The following ZNF804B variants were observed in gnomAD, a reference collection of about 807,000 sequenced individuals.
The protein encoded by ZNF804B is zinc finger protein 804B.
In ZNF804B, 80 loss-of-function variants were observed where a neutral mutation model predicts 101.4. The observed-to-expected ratio is 0.79, with a 90% CI of 0.66 to 0.95. ZNF804B has a LOEUF of 0.95. ZNF804B is among the 40% of genes least tolerant of loss of function. The pLI is 0.00. For missense variants in ZNF804B, 1,673 were observed against 1,561.9 expected, an observed-to-expected ratio of 1.07 and a Z score of -1.20; for synonymous variants, 622 against 558.8, an observed-to-expected ratio of 1.11 and a Z score of -1.59.
chr7:89,182,864 A>G (rs1788318225), intron 1 of ZNF804B, among the ~76,000 whole-genome samples: 1 of 152,146 alleles, frequency 6.6e-6, no homozygotes, highest in Non-Finnish European at 1.5e-5. Flanking sequence ...TCAAAAACAT[A>G]TATGAGTGCA....
chr7:89,177,787 T>C (rs1054621380), intron 1 of ZNF804B, among the ~76,000 whole-genome samples: 3 of 152,014 alleles, frequency 2.0e-5, no homozygotes, highest in African/African-American at 7.2e-5. Context: ...GGTGCGTTGC[T>C]CACGCCTGTA....
chr7:88,987,705 C>A (rs970018268), intron 1 of ZNF804B, among the ~76,000 whole-genome samples: 1 of 151,870 alleles, frequency 6.6e-6, no homozygotes, highest in East Asian at 1.9e-4. Flanking sequence ...ACAAATAAGC[C>A]TGGGTAATTG....
At chr7:88,873,139 C>G (rs1039742045) in intron 1 of ZNF804B, among the ~76,000 whole-genome samples, 1 of 152,092 alleles carries the variant, frequency 6.6e-6, no homozygotes, top group Non-Finnish European at 1.5e-5. Context: ...CTGTTGTTTC[C>G]TGGCTTTTTA....
At chr7:88,837,432 T>C (rs1791230286) in intron 1 of ZNF804B, among the ~76,000 whole-genome samples, 1 of 152,008 alleles carries the variant, frequency 6.6e-6, no homozygotes, top group South Asian at 2.1e-4. Context: ...ATAAATTTTT[T>C]ATTGTTTAAT....
At chr7:89,283,367 G>A (rs1209991931) in intron 2 of ZNF804B, among the ~76,000 whole-genome samples, 21 of 152,026 alleles carry the variant, frequency 1.4e-4, no homozygotes, top group Admixed American at 1.4e-3. Context: ...CATAATACTT[G>A]GTATCACACG....
At chr7:88,904,092 A>G (rs938169321) in intron 1 of ZNF804B, among the ~76,000 whole-genome samples, 1 of 152,136 alleles carries the variant, frequency 6.6e-6, no homozygotes, top group African/African-American at 2.4e-5. Flanking sequence ...GAGGTCTTAT[A>G]TTTAAATCTT....
At chr7:88,949,189 A>G (rs566250950) in intron 1 of ZNF804B, among the ~76,000 whole-genome samples, 1 of 151,764 alleles carries the variant, frequency 6.6e-6, no homozygotes, top group African/African-American at 2.4e-5. Flanking sequence ...TTCTTTTTCA[A>G]AATTGTTTTG....
At position 89,236,340 on chromosome 7, in the gene ZNF804B, T is replaced by C. The variant is rs1179766685; in HGVS notation, c.249+18045T>C. Among the ~76,000 whole-genome samples, 4 of 152,076 alleles carry C rather than the reference T, an allele frequency of 2.6e-5. No individual in the cohort carries two copies. The East Asian group carries it at 7.7e-4, about 29-fold the overall frequency. ...GCGGTGAGGTGAGAAGAGGAGAGCA[T>C]GTAAGATAAGTATACATGTAAATCT... On this transcript the variant is annotated intron_variant, in intron 2 of 3. Transcript: ENST00000333190.
intron 2 of ZNF804B, among the ~76,000 whole-genome samples, chr7:89,233,353 A>G (rs1789228329): frequency 6.6e-6 from 1 of 152,250 alleles, no homozygotes. Context: ...CAGAGCACAC[A>G]GACATGTGGT....
chr7:89,226,953 C>T (rs1789098680), intron 2 of ZNF804B, among the ~76,000 whole-genome samples: 1 of 152,152 alleles, frequency 6.6e-6, no homozygotes. Flanking sequence ...AGTCCTTTCT[C>T]CCTCTTCCCT....
chr7:88,809,942 T>G (rs1790756644), intron 1 of ZNF804B, among the ~76,000 whole-genome samples: 1 of 152,220 alleles, frequency 6.6e-6, no homozygotes, highest in South Asian at 2.1e-4. Flanking sequence ...TGCTCTCATG[T>G]ATTCATGCCA....
At chr7:89,297,900 A>G (rs1790408807) in intron 2 of ZNF804B, among the ~76,000 whole-genome samples, 1 of 151,304 alleles carries the variant, frequency 6.6e-6, no homozygotes, top group Non-Finnish European at 1.5e-5. Flanking sequence ...TTCAAATTCC[A>G]TAAACTGTAT....
intron 1 of ZNF804B, among the ~76,000 whole-genome samples, chr7:89,105,344 G>A (rs116055373): frequency 2.9e-3 from 445 of 152,146 alleles, no homozygotes; most frequent in Middle Eastern, 0.01. Context: ...TCCAATGAAC[G>A]GACTCCTTGG....
rs1791138265 is a variant in ZNF804B at position 89,338,485 on chromosome 7, A to G, written c.*1453A>G. On this transcript the variant is annotated 3_prime_UTR_variant, in exon 4 of 4. Transcript: ENST00000333190. ...ACTAAATACTTGGTAAACAGTAGGA[A>G]AGGACATCGTTGATTCAGGAGAGAC... Among the ~76,000 whole-genome samples the G allele has an allele frequency of 6.6e-6, 1 of 152,084 alleles. No homozygotes were observed. The highest frequency in any genetic ancestry group is 2.1e-4 in the South Asian group (1 of 4,836).
At chr7:89,278,315 C>A (rs949898333) in intron 2 of ZNF804B, among the ~76,000 whole-genome samples, 88 of 151,810 alleles carry the variant, frequency 5.8e-4, no homozygotes, top group Non-Finnish European at 9.6e-4. Context: ...GTTCACTCTG[C>A]TGGTAGTTTC....
intron 1 of ZNF804B, among the ~76,000 whole-genome samples, chr7:88,983,108 G>C (rs1793715049): frequency 6.6e-6 from 1 of 152,000 alleles, no homozygotes; most frequent in Non-Finnish European, 1.5e-5. Flanking sequence ...ATGCCATTGG[G>C]ATTGAGCACC....
chr7:89,296,827 G>T (rs1045729879), intron 2 of ZNF804B, among the ~76,000 whole-genome samples: 14 of 152,004 alleles, frequency 9.2e-5, no homozygotes, highest in Admixed American at 9.2e-4. Context: ...CTTTCTGATA[G>T]CTTTCTCCTT....
intron 1 of ZNF804B, among the ~76,000 whole-genome samples, chr7:89,090,128 T>G (rs1043697650): frequency 5.3e-5 from 8 of 152,080 alleles, no homozygotes; most frequent in East Asian, 3.8e-4. Context: ...CCATCATCAT[T>G]AATTAATAAT....
intron 1 of ZNF804B, among the ~76,000 whole-genome samples, chr7:89,123,157 C>G (rs1232724632): frequency 6.8e-6 from 1 of 147,098 alleles, no homozygotes; most frequent in Non-Finnish European, 1.5e-5. Flanking sequence ...CCAAGTTCAG[C>G]TTTTTTTTTT....
Sources: allele counts gnomAD v4.1 joint callset (sites outside exome capture counted in the v4.1 genomes callset), GRCh38; gene constraint gnomAD v4.1.1; transcripts MANE v1.5; gene names NCBI Gene and HGNC (gene_info 2026-07-23, HGNC 2026-07-21).